Variants in VPS13A observed in about 807,000 individuals in gnomAD.
VPS13A encodes the protein vacuolar protein sorting 13 homolog A.
Under a neutral mutation model 390.9 loss-of-function variants are expected in VPS13A, and 264 were observed. The observed-to-expected ratio is 0.68, with a 90% CI of 0.61 to 0.75. VPS13A has a LOEUF of 0.75. VPS13A is among the 30% of genes least tolerant of loss of function. The pLI is 0.00. For missense variants in VPS13A, 3,409 were observed against 3,733.9 expected (o/e 0.91, Z 2.27); for synonymous variants, 1,231 against 1,227.1 (o/e 1.00, Z -0.07).
At chr9:77,251,681 A>G (rs1825152353) in intron 21 of VPS13A, among the ~76,000 whole-genome samples, 1 of 152,130 alleles carries the variant, frequency 6.6e-6, no homozygotes, top group Admixed American at 6.5e-5. Context: ...ATATTATGCT[A>G]TATGGCTATG....
intron 17 of VPS13A, among the ~76,000 whole-genome samples, chr9:77,236,286 C>G (rs937076612): frequency 1.3e-5 from 2 of 152,146 alleles, no homozygotes; most frequent in Non-Finnish European, 2.9e-5. Context: ...ATATTCTGTG[C>G]TCAAATGTTA....
intron 68 of VPS13A, among the ~76,000 whole-genome samples, chr9:77,402,059 G>A (rs988486596): frequency 3.9e-5 from 6 of 152,220 alleles, no homozygotes; most frequent in Middle Eastern, 3.4e-3. Flanking sequence ...GAGAACTACT[G>A]TAATTCATAT....
intron 17 of VPS13A, among the ~76,000 whole-genome samples, chr9:77,236,667 G>A (rs1824164565): frequency 6.6e-6 from 1 of 152,224 alleles, no homozygotes; most frequent in South Asian, 2.1e-4. Context: ...CTAATTGAAT[G>A]ATGTGTGCTC....
intron 68 of VPS13A, among the ~76,000 whole-genome samples, chr9:77,397,325 T>C (rs1335087295): frequency 1.3e-5 from 2 of 152,152 alleles, no homozygotes; most frequent in Non-Finnish European, 2.9e-5. Flanking sequence ...TTTGCTATTT[T>C]TTTTTAAACG....
chr9:77,323,013 A>G (rs1829830108), intron 44 of VPS13A, 54 bp from the exon 45 acceptor site: 1 of 1,349,442 alleles, frequency 7.4e-7, no homozygotes, highest in Non-Finnish European at 1.0e-6. Context: ...CATATGTAAA[A>G]TTAATATGTA....
chr9:77,281,630 G>T (rs1026514228), intron 27 of VPS13A, among the ~76,000 whole-genome samples: 1 of 151,954 alleles, frequency 6.6e-6, no homozygotes, highest in South Asian at 2.1e-4. Context: ...ATGATAGTAC[G>T]TAACATTTAT....
intron 68 of VPS13A, among the ~76,000 whole-genome samples, chr9:77,383,424 C>T (rs1032180377): frequency 2.6e-5 from 4 of 151,940 alleles, no homozygotes; most frequent in Admixed American, 6.6e-5. Context: ...CAGAAGTCAC[C>T]CATGGCTGAT....
chr9:77,400,170 G>T (rs1425272331), intron 68 of VPS13A, among the ~76,000 whole-genome samples: 4 of 139,530 alleles, frequency 2.9e-5, no homozygotes, highest in Non-Finnish European at 6.1e-5. Context: ...TAATTGATTT[G>T]CATTTTCCTA....
chr9:77,205,169 T>A, intron 3 of VPS13A, 144 bp from the exon 4 acceptor site: 1 of 384,590 alleles, frequency 2.6e-6, no homozygotes, highest in Non-Finnish European at 4.8e-6. Flanking sequence ...AGTTGTAAAA[T>A]AGCTTTCAAT....
intron 32 of VPS13A, 73 bp from the exon 33 acceptor site, chr9:77,295,469 C>T: frequency 7.8e-7 from 1 of 1,276,714 alleles, no homozygotes; most frequent in Non-Finnish European, 1.0e-6. Flanking sequence ...GAGGTAAAAC[C>T]ATAAATATCA....
rs192363546 is a variant in VPS13A, at chr9:77,186,422, G to T, written c.100+8618G>T. On this transcript the variant is annotated intron_variant, in intron 1 of 71. Transcript: ENST00000360280. Reference sequence around the variant, plus strand: ...TTAAATCATTTTCCTTCTTTCTGAAGAACTCCTTTATTTATTTGTTTTTTT... The same window carrying T: ...TTAAATCATTTTCCTTCTTTCTGAATAACTCCTTTATTTATTTGTTTTTTT... Among the ~76,000 whole-genome samples the T allele has an allele frequency of 1.2e-4, 19 of 152,004 alleles. No homozygotes were observed. The East Asian group carries it at 3.5e-3, about 28-fold the overall frequency.
chr9:77,217,785 T>A (rs1822944541), intron 10 of VPS13A, among the ~76,000 whole-genome samples: 1 of 149,000 alleles, frequency 6.7e-6, no homozygotes, highest in African/African-American at 2.4e-5. Context: ...TTTTTTTTCT[T>A]TTTTTTTTTT....
intron 42 of VPS13A, among the ~76,000 whole-genome samples, 154 bp downstream of exon 42, chr9:77,319,827 C>G (rs907954382): frequency 6.6e-5 from 10 of 151,950 alleles, no homozygotes; most frequent in African/African-American, 2.4e-4. Flanking sequence ...ATAGCCTCCC[C>G]CTTTATTAAC....
intron 59 of VPS13A, among the ~76,000 whole-genome samples, chr9:77,362,678 G>A (rs1201885246): frequency 1.3e-5 from 2 of 152,150 alleles, no homozygotes; most frequent in African/African-American, 4.8e-5. Context: ...GATAGAGACT[G>A]CATTGAATCT....
At chr9:77,296,473 T>C (rs1177833015) in intron 33 of VPS13A, among the ~76,000 whole-genome samples, 1 of 152,176 alleles carries the variant, frequency 6.6e-6, no homozygotes, top group Non-Finnish European at 1.5e-5. Context: ...CTTCTTTCTG[T>C]CATTTTTCTT....
intron 1 of VPS13A, among the ~76,000 whole-genome samples, chr9:77,182,682 C>G (rs1047436674): frequency 8.5e-5 from 13 of 152,250 alleles, no homozygotes; most frequent in East Asian, 1.9e-4. Flanking sequence ...TTCATAGCCC[C>G]TTCTTAAGTT....
chr9:77,253,122 C>T (rs1381843519), intron 22 of VPS13A, among the ~76,000 whole-genome samples: 1 of 152,152 alleles, frequency 6.6e-6, no homozygotes, highest in Non-Finnish European at 1.5e-5. Flanking sequence ...TTCTTCACTG[C>T]CTCTACAACA....
At position 77,314,583 on chromosome 9, in the gene VPS13A, A is replaced by G; in HGVS notation, c.4331A>G (p.Asp1444Gly). ...ATAAGTACTTTAAAAATGTATACAG[A>G]TGGCTCAACATTTTCTTCCTTCTCA... Reference protein sequence around the residue: ...NIISTLKMYTDGSTFSSFSLK... With the variant: ...NIISTLKMYTGGSTFSSFSLK... The change falls in exon 37 of 72, where the codon GAT becomes GGT. Residue 1444 changes from aspartate to glycine, a missense_variant. By Grantham distance (94) the Asp-to-Gly change is moderately conservative. This residue lies in a region of VPS13A where 2,717 missense variants were observed against 2,917.4 expected (regional missense o/e 0.93). Transcript: ENST00000360280. 6.2e-7 allele frequency: 1 copy of G among 1,611,272 alleles called. No homozygotes were observed. The highest frequency in any genetic ancestry group is 2.2e-5 in the East Asian group (1 of 44,736).
intron 7 of VPS13A, 21 bp from the exon 8 acceptor site, chr9:77,212,948 A>T (rs776094371): frequency 6.2e-7 from 1 of 1,613,266 alleles, no homozygotes; most frequent in Non-Finnish European, 8.5e-7. Context: ...TTTTACTGCC[A>T]TTGTTTTTTT....
Sources: allele counts gnomAD v4.1 joint callset (sites outside exome capture counted in the v4.1 genomes callset), GRCh38; gene constraint gnomAD v4.1.1; regional missense constraint gnomAD v4.1.1; transcripts MANE v1.5; gene names NCBI Gene and HGNC (gene_info 2026-07-23, HGNC 2026-07-21).